The following XIRP2 variants were observed in gnomAD, a reference collection of about 807,000 sequenced individuals.
XIRP2 encodes xin actin binding repeat containing 2.
XIRP2 carries 236 observed loss-of-function variants against 277.0 expected under a neutral mutation model. That is an observed-to-expected ratio of 0.85 (90% CI 0.77 to 0.95). XIRP2 has a LOEUF of 0.95. Among genes scored for constraint, XIRP2 ranks in the 40% least tolerant of loss-of-function variants. The pLI, the probability that XIRP2 is intolerant of heterozygous loss-of-function variation, is 0.00. For missense variants in XIRP2, 4,640 were observed against 4,157.5 expected, an observed-to-expected ratio of 1.12 and a Z score of -3.19; for synonymous variants, 1,490 against 1,416.5, an observed-to-expected ratio of 1.05 and a Z score of -1.17.
chr2:166,911,358 C>G, intron 2 of XIRP2, among the ~76,000 whole-genome samples: 1 of 152,154 alleles, frequency 6.6e-6, no homozygotes, highest in South Asian at 2.1e-4. Context: ...ATCCCTTTAC[C>G]ATTACGTAAT....
intron 2 of XIRP2, among the ~76,000 whole-genome samples, chr2:167,077,150 G>A (rs1031865050): frequency 5.9e-5 from 9 of 152,036 alleles, no homozygotes; most frequent in South Asian, 2.1e-4. Context: ...ACCACGCCTG[G>A]CAATGTATTT....
intron 2 of XIRP2, among the ~76,000 whole-genome samples, chr2:167,058,327 C>T (rs1689090358): frequency 6.6e-6 from 1 of 152,086 alleles, no homozygotes; most frequent in African/African-American, 2.4e-5. Flanking sequence ...GTGATCCACC[C>T]ACCTCAGCTT....
At chr2:166,897,449 G>A (rs575434072) in intron 1 of XIRP2, among the ~76,000 whole-genome samples, 17 of 152,172 alleles carry the variant, frequency 1.1e-4, no homozygotes, top group Non-Finnish European at 2.2e-4. Context: ...ACATATCACC[G>A]TGACCTACTG....
At chr2:167,157,913 G>A (rs886657121) in intron 3 of XIRP2, among the ~76,000 whole-genome samples, 1 of 152,052 alleles carries the variant, frequency 6.6e-6, no homozygotes, top group Non-Finnish European at 1.5e-5. Flanking sequence ...AAATATTGTA[G>A]GAGAGACTAT....
chr2:167,089,012 G>A (rs145351035), intron 2 of XIRP2, among the ~76,000 whole-genome samples: 7 of 152,162 alleles, frequency 4.6e-5, no homozygotes, highest in Admixed American at 4.6e-4. Context: ...ACAAATGTTT[G>A]GTAAATAAAT....
chr2:167,047,804 G>A (rs912590868), intron 2 of XIRP2, among the ~76,000 whole-genome samples: 3 of 151,844 alleles, frequency 2.0e-5, no homozygotes, highest in Non-Finnish European at 2.9e-5. Context: ...CTCCCTCAAA[G>A]CACAGTAACA....
At chr2:167,070,483 A>T (rs1689409903) in intron 2 of XIRP2, among the ~76,000 whole-genome samples, 1 of 152,166 alleles carries the variant, frequency 6.6e-6, no homozygotes, top group Admixed American at 6.5e-5. Context: ...CTGTATCTAT[A>T]TGCTGAACAG....
intron 2 of XIRP2, among the ~76,000 whole-genome samples, chr2:167,119,487 ACAATCT>A: frequency 6.6e-6 from 1 of 152,330 alleles, no homozygotes; most frequent in East Asian, 1.9e-4. Context: ...ACACTTAAAT[ACAATCT>A]CATGGCTCAC....
intron 3 of XIRP2, among the ~76,000 whole-genome samples, chr2:167,202,513 C>G (rs1002303895): frequency 5.9e-5 from 9 of 152,112 alleles, no homozygotes; most frequent in Non-Finnish European, 1.5e-5. Context: ...TAAATGGACA[C>G]TTAGAGTCTT....
At chr2:167,156,527 A>T (rs1050522157) in intron 3 of XIRP2, among the ~76,000 whole-genome samples, 10 of 152,296 alleles carry the variant, frequency 6.6e-5, no homozygotes, top group African/African-American at 2.4e-4. Context: ...GTATTTCTCT[A>T]TGATGTTTCC....
At chr2:166,963,974 A>G (rs1686363028) in intron 2 of XIRP2, among the ~76,000 whole-genome samples, 2 of 151,918 alleles carry the variant, frequency 1.3e-5, no homozygotes, top group South Asian at 4.1e-4. Flanking sequence ...TAAAGGAGGA[A>G]GAGCAGAAAC....
intron 2 of XIRP2, among the ~76,000 whole-genome samples, chr2:166,910,353 G>A (rs1184365145): frequency 6.6e-6 from 1 of 152,158 alleles, no homozygotes; most frequent in Non-Finnish European, 1.5e-5. Flanking sequence ...GGGTGTATGT[G>A]TCAAGGAATT....
At chr2:167,051,006 G>T (rs1267356511) in intron 2 of XIRP2, among the ~76,000 whole-genome samples, 2 of 151,912 alleles carry the variant, frequency 1.3e-5, no homozygotes, top group African/African-American at 2.4e-5. Context: ...TTGCTCTTAT[G>T]CCCCCTATCC....
intron 2 of XIRP2, among the ~76,000 whole-genome samples, chr2:167,071,105 A>G (rs1333065748): frequency 1.3e-5 from 2 of 152,204 alleles, no homozygotes; most frequent in East Asian, 3.8e-4. Flanking sequence ...GCCCGTACAC[A>G]TAATATTAAG....
intron 2 of XIRP2, among the ~76,000 whole-genome samples, chr2:166,988,490 G>A (rs1687076383): frequency 7.4e-6 from 1 of 134,318 alleles, no homozygotes; most frequent in Non-Finnish European, 1.6e-5. Context: ...AACAGCTCCG[G>A]TCTACAGCTC....
intron 9 of XIRP2, among the ~76,000 whole-genome samples, 162 bp from the exon 10 acceptor site, chr2:167,253,870 T>C (rs1695584873): frequency 6.6e-6 from 1 of 151,898 alleles, no homozygotes; most frequent in South Asian, 2.1e-4. Flanking sequence ...TTAAACCTGA[T>C]GATAGGTTAG....
intron 2 of XIRP2, among the ~76,000 whole-genome samples, chr2:167,109,906 G>T (rs1284320928): frequency 6.6e-6 from 1 of 151,968 alleles, no homozygotes; most frequent in East Asian, 1.9e-4. Context: ...GTTTTAATTT[G>T]CATGTCTCTA....
intron 2 of XIRP2, among the ~76,000 whole-genome samples, chr2:166,922,515 T>A (rs1053561873): frequency 2.0e-5 from 3 of 152,102 alleles, no homozygotes; most frequent in African/African-American, 7.2e-5. Flanking sequence ...AAAGATTTTT[T>A]TTTTGGCTAG....
intron 2 of XIRP2, among the ~76,000 whole-genome samples, chr2:166,906,406 TG>T (rs1684526319): frequency 6.6e-6 from 1 of 152,046 alleles, no homozygotes; most frequent in Non-Finnish European, 1.5e-5. Context: ...TATACATACA[TG>T]CATATATAAC....
Sources: allele counts gnomAD v4.1 joint callset (sites outside exome capture counted in the v4.1 genomes callset), GRCh38; gene constraint gnomAD v4.1.1; transcripts MANE v1.5; gene names NCBI Gene and HGNC (gene_info 2026-07-23, HGNC 2026-07-21).